CILP: variants seen among roughly 807,000 people sequenced by gnomAD.
CILP encodes the protein cartilage intermediate layer protein 1.
Under a neutral mutation model 82.5 loss-of-function variants are expected in CILP, and 75 were observed. That is an observed-to-expected ratio of 0.91 (90% CI 0.75 to 1.10). CILP has a LOEUF of 1.10. CILP is among the 50% of genes least tolerant of loss of function. The pLI is 0.00. For synonymous variants in CILP, 530 were observed against 580.3 expected (o/e 0.91, Z 1.25); for missense variants, 1,479 against 1,530.8 (o/e 0.97, Z 0.56).
In CILP at chr15:65,197,058, G is replaced by A; in HGVS notation, c.3228C>T (p.Ile1076=). The change falls in exon 9 of 9, where the codon ATC becomes ATT. Residue 1076 remains isoleucine, a synonymous_variant. Transcript: ENST00000261883. ...GAGGGTCCTGGTCAGTGACAGTGTA[G>A]ATGCCATAGTTGTGGCCCAGTGGGT... The part of the protein sequence containing the change: ...PLDPLGHNYG[I]YTVTDQDPRT... 6.2e-7 allele frequency: 1 copy of A among 1,614,204 alleles called. No individual in the cohort carries two copies. Among genetic ancestry groups the A allele is most frequent in the Non-Finnish European group, 8.5e-7 (1 of 1,180,052 alleles).
chr15:65,198,757 A>G lies in CILP; in HGVS notation c.1529T>C (p.Val510Ala), dbSNP rs759331916. 6.2e-7 allele frequency: 1 copy of G among 1,614,142 alleles called. No individual in the cohort carries two copies. The highest frequency in any genetic ancestry group is 1.3e-5 in the African/African-American group (1 of 75,038). ...DNGEPMRFGH[V>A]YMGNSRVSMT... The stretch of plus-strand genomic sequence containing the variant: ...GCTTACACGGCTGTTCCCCATGTAC[A>G]CATGGCCAAAGCGCATGGGCTCCCC... Residue 510 changes from valine (V) to alanine (A), a missense_variant, in exon 9 of 9, where the codon GTG (valine) becomes GCG (alanine). Physicochemically the swap from Val to Ala is moderately conservative, Grantham distance 64. Transcript: ENST00000261883.
chr15:65,203,358 G>A lies in CILP; in HGVS notation c.1028+4C>T, dbSNP rs762964336. The stretch of plus-strand genomic sequence containing the variant: ...TTGGGCAGGGTAGCTAGCAGAATAC[G>A]CACCAAAAATACTTGTCTGGCCTGG... On this transcript the variant is annotated splice_donor_region_variant and intron_variant, in intron 7 of 8. Transcript: ENST00000261883. 6.9e-6 allele frequency: 11 copies of A among 1,605,352 alleles called. No individual in the cohort carries two copies. Among genetic ancestry groups the A allele is most frequent in the African/African-American group, 5.4e-5 (4 of 74,744 alleles).
At position 65,204,453 on chromosome 15, in the gene CILP, AG is replaced by A. The variant is rs1385836644; in HGVS notation, c.733del (p.Leu245SerfsTer2). ...CAGCAGCTTCGGCGTCTTGGTCAGG[AG>A]GTAGATAGCAGCCCCTGAGGCTGGG... is the stretch of plus-strand genomic sequence containing the variant. ...GAPASGAAIY[L>X]LTKTPKLLTQ... On this transcript the variant is annotated frameshift_variant, in exon 6 of 9. Transcript: ENST00000261883. LOFTEE classifies it high-confidence loss of function. 2.5e-6 allele frequency: 4 copies of A among 1,614,086 alleles called. No homozygotes were observed. Among genetic ancestry groups the A allele is most frequent in the Non-Finnish European group, 2.5e-6 (3 of 1,179,980 alleles).
At chr15:65,200,112 C>T (rs1355873983) in intron 8 of CILP, among the ~76,000 whole-genome samples, 11 of 152,148 alleles carry the variant, frequency 7.2e-5, no homozygotes, top group Admixed American at 5.9e-4. Context: ...TTTGTCTTCT[C>T]GTGTCAATGT....
At chr15:65,209,225 C>T (rs955535088) in intron 2 of CILP, among the ~76,000 whole-genome samples, 8 of 151,864 alleles carry the variant, frequency 5.3e-5, no homozygotes, top group African/African-American at 1.2e-4. Flanking sequence ...GCAAGGAGAC[C>T]GGAAGGGGTT....
chr15:65,200,894 G>A (rs2088442248), intron 8 of CILP, among the ~76,000 whole-genome samples: 1 of 152,256 alleles, frequency 6.6e-6, no homozygotes, highest in Admixed American at 6.5e-5. Context: ...CAGCTGGAAA[G>A]CTGCTCCCTC....
rs778289086 is a variant in CILP, at chr15:65,205,380, GGACCCCAGTCT to G, written c.500_510del (p.Gln167ProfsTer17). On this transcript the variant is annotated frameshift_variant, in exon 5 of 9. Coordinates refer to ENST00000261883, the MANE Select transcript of CILP (RefSeq NM_003613.4). LOFTEE classifies it high-confidence loss of function. Reference sequence around the variant, plus strand: ...GCCAAGCAAATGCGTGTGCGAGTCTGGACCCCAGTCTGACCACAGGCAGCTGAGCACTTGCT... The same window carrying G: ...GCCAAGCAAATGCGTGTGCGAGTCTGGACCACAGGCAGCTGAGCACTTGCT... The G allele has an allele frequency of 5.0e-6, 8 of 1,614,082 alleles. No homozygotes were observed. In the African/African-American group the frequency reaches 1.1e-4, roughly 22 times the overall value.
In CILP at chr15:65,197,638, G is replaced by T; in HGVS notation, c.2648C>A (p.Pro883His). The T allele has an allele frequency of 6.2e-7, 1 of 1,614,172 alleles. No individual in the cohort carries two copies. Among genetic ancestry groups the T allele is most frequent in the Non-Finnish European group, 8.5e-7 (1 of 1,180,042 alleles). The change falls in exon 9 of 9, where the codon CCC becomes CAC. Residue 883 changes from proline (P) to histidine (H), a missense_variant. By Grantham distance (77) the Pro-to-His change is moderately conservative. Coordinates refer to ENST00000261883, the MANE Select transcript of CILP (RefSeq NM_003613.4). ...AFQISMAKPRPNSAEESNGPI... is the reference protein window; with the variant it reads ...AFQISMAKPRHNSAEESNGPI... Reference sequence around the variant, plus strand: ...CCCATTGCTCTCCTCAGCTGAGTTGGGCCTTGGCTTGGCCATGCTAATCTG... The same window carrying T: ...CCCATTGCTCTCCTCAGCTGAGTTGTGCCTTGGCTTGGCCATGCTAATCTG...
chr15:65,206,526 A>G (rs1333550343), intron 4 of CILP, among the ~76,000 whole-genome samples: 1 of 152,192 alleles, frequency 6.6e-6, no homozygotes, highest in Non-Finnish European at 1.5e-5. Flanking sequence ...CCACTCAAAC[A>G]TAATAAAATA....
intron 8 of CILP, 134 bp downstream of exon 8, chr15:65,201,728 CAAAAAAAAAA>C (rs59737757): frequency 0.013 from 3,573 of 270,344 alleles, 61 homozygotes; most frequent in African/African-American, 0.062. Context: ...GACTCCATCT[CAAAAAAAAAA>C]AAAAAAAAAA....
intron 3 of CILP, 53 bp from the exon 4 acceptor site, chr15:65,207,104 T>C: frequency 6.4e-7 from 1 of 1,570,668 alleles, no homozygotes; most frequent in Middle Eastern, 1.7e-4. Flanking sequence ...GCGCTCCAGT[T>C]CTCCTTTCCC....
chr15:65,207,082 C>T lies in CILP; in HGVS notation c.155-31G>A, dbSNP rs183638630. On this transcript the variant is annotated intron_variant, in intron 3 of 8. Transcript: ENST00000261883. ...AGACATAGCCAAATTGCGGAGGAGC[C>T]GTGATCCTGGTGCGCTCCAGTTCTC... The T allele has an allele frequency of 1.7e-5, 27 of 1,595,948 alleles. No homozygotes were observed. In the African/African-American group the frequency reaches 2.0e-4, roughly 12 times the overall value.
chr15:65,206,158 G>A (rs1173961640), intron 4 of CILP, among the ~76,000 whole-genome samples: 2 of 152,170 alleles, frequency 1.3e-5, no homozygotes, highest in Non-Finnish European at 2.9e-5. Context: ...ATCAGCTATG[G>A]AATCGTGAGA....
Position 65,205,454 on chromosome 15 carries a change from C to G in CILP, c.437G>C (p.Arg146Pro), listed in dbSNP as rs758135189. The change falls in exon 5 of 9, where the codon CGA becomes CCA. Residue 146 changes from arginine (R) to proline (P), a missense_variant. Transcript: ENST00000261883. ...TGGGCTCCAGATGCGCTCTGTGTCT[C>G]GGCGCAGGGATCCTGCAAAGTGAGA... ...RFLCPPGSLR[R>P]DTERIWSPWS... The G allele has an allele frequency of 6.2e-7, 1 of 1,608,680 alleles. No homozygotes were observed. The highest frequency in any genetic ancestry group is 1.3e-5 in the African/African-American group (1 of 74,984).
At chr15:65,201,546 T>TCATTTTTA (rs2088452079) in intron 8 of CILP, among the ~76,000 whole-genome samples, 2 of 151,756 alleles carry the variant, frequency 1.3e-5, no homozygotes, top group Non-Finnish European at 2.9e-5. Context: ...CTGGCCAACA[T>TCATTTTTA]GGCGAAACAC....
At chr15:65,210,135 C>T (rs1164165728) in intron 1 of CILP, among the ~76,000 whole-genome samples, 1 of 152,114 alleles carries the variant, frequency 6.6e-6, no homozygotes, top group Non-Finnish European at 1.5e-5. Context: ...AGGTTCCTTG[C>T]AATGAGGAGA....
Position 65,197,814 on chromosome 15 carries a change from G to A in CILP, c.2472C>T (p.Val824=), listed in dbSNP as rs369419876. The A allele has an allele frequency of 1.1e-4, 170 of 1,613,830 alleles. No individual in the cohort carries two copies. The highest frequency in any genetic ancestry group is 1.4e-4 in the Non-Finnish European group (160 of 1,180,026). The part of the protein sequence containing the change: ...DQSPDAYSAY[V]LASLAGEELQ... Reference sequence around the variant, plus strand: ...GTTCCTCCCCAGCCAGGCTTGCCAAGACATAGGCAGAGTAGGCATCAGGGG... The same window carrying A: ...GTTCCTCCCCAGCCAGGCTTGCCAAAACATAGGCAGAGTAGGCATCAGGGG... The change falls in exon 9 of 9, where the codon GTC becomes GTT. Residue 824 remains valine (V), a synonymous_variant. Coordinates refer to ENST00000261883, the MANE Select transcript of CILP (RefSeq NM_003613.4).
At chr15:65,199,266 C>G (rs1036324516) in intron 8 of CILP, among the ~76,000 whole-genome samples, 167 bp from the exon 9 acceptor site, 1 of 152,198 alleles carries the variant, frequency 6.6e-6, no homozygotes, top group African/African-American at 2.4e-5. Flanking sequence ...ATTACTGATC[C>G]CATTTTATAT....
At chr15:65,206,050 GC>G (rs2088514586) in intron 4 of CILP, among the ~76,000 whole-genome samples, 1 of 152,146 alleles carries the variant, frequency 6.6e-6, no homozygotes, top group Admixed American at 6.5e-5. Context: ...AAGGGAGCAG[GC>G]CTGCTCCCCA....
Sources: gnomAD v4.1 joint callset for allele counts (sites outside exome capture counted in the v4.1 genomes callset) on GRCh38, gnomAD v4.1.1 for gene constraint, MANE v1.5 for transcripts, NCBI Gene and HGNC (gene_info 2026-07-23, HGNC 2026-07-21) for gene names.